FOXP1: variants seen among roughly 807,000 people sequenced by gnomAD.
The protein encoded by FOXP1 is forkhead box protein P1.
In FOXP1, 15 loss-of-function variants were observed where a neutral mutation model predicts 98.2. The observed-to-expected ratio is 0.15, with a 90% CI of 0.10 to 0.24. The LOEUF (loss-of-function observed/expected upper bound fraction) is 0.24. Among genes scored for constraint, FOXP1 ranks in the 10% least tolerant of loss-of-function variants. FOXP1 has a pLI of 1.00. For synonymous variants in FOXP1, 371 were observed against 314.5 expected (o/e 1.18, Z -1.90); for missense variants, 633 against 848.5 (o/e 0.75, Z 3.15).
chr3:71,366,440 T>C (rs1014169099), intron 3 of FOXP1, among the ~76,000 whole-genome samples: 2 of 152,126 alleles, frequency 1.3e-5, no homozygotes, highest in African/African-American at 4.8e-5. Context: ...GATAGGAAAA[T>C]TGTATCTACA....
intron 5 of FOXP1, among the ~76,000 whole-genome samples, chr3:71,293,479 TAA>T (rs10642015): frequency 1.4e-5 from 2 of 143,072 alleles, no homozygotes; most frequent in Admixed American, 7.0e-5. Flanking sequence ...CCCCATTTCT[TAA>T]AAAAAAAAAA....
intron 5 of FOXP1, among the ~76,000 whole-genome samples, chr3:71,227,453 G>A (rs942048473): frequency 1.2e-4 from 19 of 152,056 alleles, no homozygotes; most frequent in African/African-American, 4.3e-4. Context: ...TTATTCTAAG[G>A]TCCAGCTTAG....
chr3:71,013,860 C>T (rs2044037030), intron 12 of FOXP1, among the ~76,000 whole-genome samples: 1 of 152,042 alleles, frequency 6.6e-6, no homozygotes, highest in Non-Finnish European at 1.5e-5. Flanking sequence ...TCTACAACCA[C>T]CTGATCTTTG....
In FOXP1 at chr3:71,343,069, A is replaced by G. The variant is rs150153032; in HGVS notation, c.-73+16081T>C. The stretch of plus-strand genomic sequence containing the variant: ...AGATGGTGCTAGTATATTGCTTATA[A>G]AAGTAGCTGTCACACAGAACAAATG... On this transcript the variant is annotated intron_variant, in intron 4 of 20. Transcript: ENST00000649528. Among the ~76,000 whole-genome samples, 154 of 152,346 alleles carry G rather than the reference A, an allele frequency of 1.0e-3. 2 individuals carry two copies. Among genetic ancestry groups the G allele is most frequent in the Middle Eastern group, 3.4e-3 (1 of 294 alleles).
chr3:71,154,802 C>G (rs1183749680), intron 6 of FOXP1, among the ~76,000 whole-genome samples: 1 of 152,180 alleles, frequency 6.6e-6, no homozygotes, highest in East Asian at 1.9e-4. Flanking sequence ...CCATGGCTCT[C>G]AGGGAACATT....
intron 5 of FOXP1, among the ~76,000 whole-genome samples, chr3:71,208,538 G>C (rs28423072): frequency 8.3e-3 from 233 of 28,138 alleles, no homozygotes; most frequent in Non-Finnish European, 0.017. Context: ...ATTTAAGTTT[G>C]TGTGTGTGTG....
chr3:71,438,636 C>A (rs544071998), intron 3 of FOXP1, among the ~76,000 whole-genome samples: 2 of 152,074 alleles, frequency 1.3e-5, no homozygotes, highest in Non-Finnish European at 2.9e-5. Context: ...CTCATTTATA[C>A]CCCCCAGCAG....
chr3:71,192,350 C>T (rs1196666754), intron 6 of FOXP1, among the ~76,000 whole-genome samples: 2 of 152,146 alleles, frequency 1.3e-5, no homozygotes, highest in Non-Finnish European at 2.9e-5. Context: ...TGAAACAAGG[C>T]CAGGAATGGC....
At chr3:71,061,237 A>T (rs1378775085) in intron 7 of FOXP1, among the ~76,000 whole-genome samples, 1 of 152,182 alleles carries the variant, frequency 6.6e-6, no homozygotes, top group Non-Finnish European at 1.5e-5. Context: ...TTTATCAAAC[A>T]ACAAATTTAG....
At chr3:71,266,720 C>T (rs535063683) in intron 5 of FOXP1, among the ~76,000 whole-genome samples, 106 of 152,284 alleles carry the variant, frequency 7.0e-4, no homozygotes, top group Admixed American at 2.0e-3. Context: ...TTTTTTAACC[C>T]TCACCTTCCC....
At chr3:71,271,879 T>C (rs1164802271) in intron 5 of FOXP1, among the ~76,000 whole-genome samples, 1 of 152,248 alleles carries the variant, frequency 6.6e-6, no homozygotes, top group Non-Finnish European at 1.5e-5. Context: ...ACAGGGTGTC[T>C]GAATTGTTAA....
chr3:71,419,664 C>A (rs2083478125), intron 3 of FOXP1, among the ~76,000 whole-genome samples: 1 of 152,136 alleles, frequency 6.6e-6, no homozygotes, highest in African/African-American at 2.4e-5. Context: ...GGTTTCTAGT[C>A]TAACTCAGCA....
chr3:71,251,380 G>A (rs992506439), intron 5 of FOXP1, among the ~76,000 whole-genome samples: 4 of 152,218 alleles, frequency 2.6e-5, no homozygotes, highest in African/African-American at 9.6e-5. Context: ...TTCAGGTGAA[G>A]CTTTCCACTG....
chr3:71,402,482 T>A (rs528434018), intron 3 of FOXP1, among the ~76,000 whole-genome samples: 4 of 152,200 alleles, frequency 2.6e-5, no homozygotes, highest in Non-Finnish European at 4.4e-5. Flanking sequence ...ATGTCTGTTA[T>A]CTGTGGAATG....
chr3:70,975,671 T>C (rs1410040365), intron 17 of FOXP1, among the ~76,000 whole-genome samples: 1 of 152,224 alleles, frequency 6.6e-6, no homozygotes, highest in East Asian at 1.9e-4. Flanking sequence ...CAAATGTTTG[T>C]TATCACATGT....
intron 6 of FOXP1, among the ~76,000 whole-genome samples, chr3:71,181,086 C>T (rs1030034984): frequency 3.9e-5 from 6 of 152,150 alleles, no homozygotes; most frequent in Non-Finnish European, 5.9e-5. Context: ...TTCCATTTAT[C>T]GCCTCAATGA....
chr3:71,313,551 A>T (rs1324720937), intron 4 of FOXP1, among the ~76,000 whole-genome samples: 1 of 150,880 alleles, frequency 6.6e-6, no homozygotes, highest in Non-Finnish European at 1.5e-5. Context: ...TTTTTGAGAC[A>T]GTCTCGCACT....
rs1043816202 is a variant in FOXP1 at position 71,348,123 on chromosome 3, C to T, written c.-73+11027G>A. Among the ~76,000 whole-genome samples, 45 of 152,106 alleles carry T rather than the reference C, an allele frequency of 3.0e-4. 1 individual carries two copies. The highest frequency in any genetic ancestry group is 1.2e-4 in the Non-Finnish European group (8 of 68,014). On this transcript the variant is annotated intron_variant, in intron 4 of 20. Transcript: ENST00000649528. ...TAGAAGTTATGTGAATGTGGTCTCT[C>T]TCTCTCTAACTATTTTCTTGTACTG...
At chr3:71,232,179 G>A (rs1294773203) in intron 5 of FOXP1, among the ~76,000 whole-genome samples, 1 of 152,184 alleles carries the variant, frequency 6.6e-6, no homozygotes, top group Non-Finnish European at 1.5e-5. Flanking sequence ...AATAAAAGAT[G>A]TGCCACTATT....
Sources: gnomAD v4.1 joint callset for allele counts (sites outside exome capture counted in the v4.1 genomes callset) on GRCh38, gnomAD v4.1.1 for gene constraint, MANE v1.5 for transcripts, NCBI Gene and HGNC (gene_info 2026-07-23, HGNC 2026-07-21) for gene names.